The following MTSS2 variants were observed in gnomAD, a reference collection of about 807,000 sequenced individuals.
The protein encoded by MTSS2 is MTSS I-BAR domain containing 2.
A neutral mutation model predicts 67.1 loss-of-function variants in MTSS2; 27 were observed. The ratio of observed to expected loss-of-function variants is 0.40; its 90% confidence interval spans 0.30 to 0.55. The LOEUF is 0.55. MTSS2 is among the 20% of genes least tolerant of loss of function. The probability of loss-of-function intolerance (pLI) is 0.43; values close to 1 mark genes in which losing one functional copy is unlikely to be tolerated. For missense variants in MTSS2, 1,171 were observed against 1,067.8 expected, an observed-to-expected ratio of 1.10 and a Z score of -1.35; for synonymous variants, 624 against 468.6, an observed-to-expected ratio of 1.33 and a Z score of -4.28.
rs985345090 is a variant in MTSS2, at chr16:70,680,129, C to T, written c.206-74G>A. On this transcript the variant is annotated intron_variant, in intron 3 of 14. Coordinates refer to ENST00000338779, the MANE Select transcript of MTSS2 (RefSeq NM_138383.3). ...GTCCCGGCCTCGGGCCAGGAGGGGG[C>T]GCCCCGGCCGCGCAGGCGGAGCCCG... The T allele has an allele frequency of 6.5e-6, 7 of 1,080,846 alleles. No individual in the cohort carries two copies. In the Admixed American group the frequency reaches 1.4e-4, roughly 22 times the overall value. 67.0% of individuals were successfully genotyped at this position (1,080,846 alleles called of 1,614,324 possible).
At position 70,663,735 on chromosome 16, in the gene MTSS2, C is replaced by A. The variant is rs761912285; in HGVS notation, c.2186G>T (p.Arg729Leu). The change falls in exon 15 of 15, where the codon CGT becomes CTT. Residue 729 changes from arginine to leucine, a missense_variant. Physicochemically the swap from Arg to Leu is moderately radical, Grantham distance 102. Coordinates refer to ENST00000338779, the MANE Select transcript of MTSS2 (RefSeq NM_138383.3). ...PAEDMLVAIR[R>L]GVRLRRTVTN... is the part of the protein sequence containing the mutation. ...GACGGTCCTGCGGAGCCGGACCCCA[C>A]GCCGGATGGCCACCAGCATGTCTTC... 5.1e-6 allele frequency: 8 copies of A among 1,577,108 alleles called. No individual in the cohort carries two copies. Among genetic ancestry groups the A allele is most frequent in the Non-Finnish European group, 6.9e-6 (8 of 1,164,196 alleles).
intron 6 of MTSS2, 101 bp from the exon 7 acceptor site, chr16:70,679,424 G>T: frequency 6.9e-7 from 1 of 1,458,556 alleles, no homozygotes; most frequent in Non-Finnish European, 9.5e-7. Flanking sequence ...GGGGTGCCTG[G>T]GCCTCCTGCT....
rs1046960905 is a variant in MTSS2 at position 70,664,344 on chromosome 16, T to G, written c.1577A>C (p.Asn526Thr). The G allele has an allele frequency of 6.3e-7, 1 of 1,597,880 alleles. No individual in the cohort carries two copies. The highest frequency in any genetic ancestry group is 8.5e-7 in the Non-Finnish European group (1 of 1,174,166). ...TIPRNSNIAQ[N>T]YRRLIQTKRP... Reference sequence around the variant, plus strand: ...CTTGGTCTGGATCAGGCGGCGGTAGTTCTGGGCGATGTTGCTGTTGCGCGG... The same window carrying G: ...CTTGGTCTGGATCAGGCGGCGGTAGGTCTGGGCGATGTTGCTGTTGCGCGG... The change falls in exon 15 of 15, where the codon AAC (asparagine) becomes ACC (threonine). Residue 526 changes from asparagine to threonine, a missense_variant. Asn to Thr is a moderately conservative substitution (Grantham distance 65). Transcript: ENST00000338779.
In MTSS2 at chr16:70,661,345, G is replaced by GT. The variant is rs1295843646; in HGVS notation, c.*2331_*2332insA. 5.1e-6 allele frequency: 2 copies of GT among 390,544 alleles called. No homozygotes were observed. Among genetic ancestry groups the GT allele is most frequent in the Non-Finnish European group, 4.8e-6 (1 of 208,582 alleles). 24.2% of individuals were successfully genotyped at this position (390,544 alleles called of 1,614,324 possible). A position where few individuals can be genotyped will look rare whatever the true frequency, so the allele number is the denominator to read the frequency against. On this transcript the variant is annotated 3_prime_UTR_variant, in exon 15 of 15. Coordinates refer to ENST00000338779, the MANE Select transcript of MTSS2 (RefSeq NM_138383.3). ...GAATTTTTCCAAAATCTGACGGAAA[G>GT]AAAAGAAACAAATGGTTCAGATGGG...
In MTSS2 at chr16:70,676,915, T is replaced by C; in HGVS notation, c.796A>G (p.Ser266Gly). 1 of 1,613,830 alleles carries C rather than the reference T, an allele frequency of 6.2e-7. No homozygotes were observed. The highest frequency in any genetic ancestry group is 8.5e-7 in the Non-Finnish European group (1 of 1,179,986). Residue 266 changes from serine to glycine, a missense_variant, in exon 10 of 15, where the codon AGC becomes GGC. By Grantham distance (56) the Ser-to-Gly change is moderately conservative. Around this residue, in one of 2 missense-constraint regions of MTSS2, gnomAD observed 924 missense variants for 756.0 expected, o/e 1.22. Coordinates refer to ENST00000338779, the MANE Select transcript of MTSS2 (RefSeq NM_138383.3). The stretch of plus-strand genomic sequence containing the variant: ...CTGGACTTCCGGGAGCTGGAGCTGC[T>C]GGGTGATGAGGGTGGGGTCTGGTAG... ...WSYQTPPSSP[S>G]SSSSRKSSMC... is the part of the protein sequence containing the mutation.
intron 11 of MTSS2, among the ~76,000 whole-genome samples, chr16:70,669,369 T>C (rs1290147913): frequency 6.6e-6 from 1 of 152,212 alleles, no homozygotes; most frequent in Non-Finnish European, 1.5e-5. Flanking sequence ...TGAAAGGGAA[T>C]ATTCTAACGG....
Position 70,662,485 on chromosome 16 carries a change from A to AATC in MTSS2, c.*1189_*1191dup, listed in dbSNP as rs1348712357. 6.6e-6 allele frequency: 1 copy of AATC among 152,254 alleles called. No homozygotes were observed. The highest frequency in any genetic ancestry group is 1.9e-4 in the East Asian group (1 of 5,168). 9.4% of individuals were successfully genotyped at this position (152,254 alleles called of 1,614,324 possible). On this transcript the variant is annotated 3_prime_UTR_variant, in exon 15 of 15. Transcript: ENST00000338779. The stretch of plus-strand genomic sequence containing the variant: ...CCTCCGGCAACAGAGAGTCAAAGCC[A>AATC]ATCTTCCCAGACTCGCTCCCCCACC...
intron 3 of MTSS2, 50 bp from the exon 4 acceptor site, chr16:70,680,105 T>G: frequency 7.9e-5 from 100 of 1,270,938 alleles, no homozygotes; most frequent in Non-Finnish European, 9.5e-5. Context: ...GCCTGCGCAG[T>G]CCCGGCCTCG....
chr16:70,675,510 ATATCTT>A (rs1382275286), intron 10 of MTSS2, among the ~76,000 whole-genome samples: 2 of 152,174 alleles, frequency 1.3e-5, no homozygotes, highest in Admixed American at 6.5e-5. Context: ...CCTAAAGAAT[ATATCTT>A]TATCACTGAG....
Position 70,663,419 on chromosome 16 carries a change from AAG to A in MTSS2, c.*256_*257del. On this transcript the variant is annotated 3_prime_UTR_variant, in exon 15 of 15. Transcript: ENST00000338779. Reference sequence around the variant, plus strand: ...GGAAGAGGCAGGGCCCCAGAGGAGGAAGAGGAGGGACCGAAGAGCATAAAACA... The same window carrying A: ...GGAAGAGGCAGGGCCCCAGAGGAGGAAGGAGGGACCGAAGAGCATAAAACA... The A allele has an allele frequency of 9.2e-6, 5 of 544,722 alleles. No homozygotes were observed. The South Asian group carries it at 1.4e-4, about 16-fold the overall frequency. The allele number at this position is 544,722 out of a possible 1,614,324, so 33.7% of individuals were successfully genotyped here. A position where few individuals can be genotyped will look rare whatever the true frequency, so the allele number is the denominator to read the frequency against.
chr16:70,685,708 C>A lies in MTSS2; in HGVS notation c.69+15G>T. The A allele has an allele frequency of 1.5e-6, 2 of 1,319,184 alleles. No individual in the cohort carries two copies. Among genetic ancestry groups the A allele is most frequent in the South Asian group, 3.2e-5 (2 of 61,584 alleles). 81.7% of individuals were successfully genotyped at this position (1,319,184 alleles called of 1,614,324 possible). On this transcript the variant is annotated intron_variant, in intron 1 of 14. Transcript: ENST00000338779. ...ACCCGTCGCCGCGCGCCCGGCCCCG[C>A]CGCGCCCCGGTTACCTTCATGTCGT...
At chr16:70,670,829 G>T (rs1232199044) in intron 11 of MTSS2, among the ~76,000 whole-genome samples, 2 of 151,916 alleles carry the variant, frequency 1.3e-5, no homozygotes, top group African/African-American at 4.8e-5. Context: ...AATTAGCCAG[G>T]CATGATACTG....
chr16:70,663,777 G>T lies in MTSS2; in HGVS notation c.2144C>A (p.Thr715Asn). The change falls in exon 15 of 15, where the codon ACC becomes AAC. Residue 715 changes from threonine to asparagine, a missense_variant. Around this residue, in one of 2 missense-constraint regions of MTSS2, gnomAD observed 924 missense variants for 756.0 expected, o/e 1.22. Coordinates refer to ENST00000338779, the MANE Select transcript of MTSS2 (RefSeq NM_138383.3). ...EETPTPPPAA[T>N]SDPPAEDMLV... ...CATGTCTTCGGCCGGGGGGTCGCTG[G>T]TGGCGGCTGGGGGTGGGGTGGGCGT... The T allele has an allele frequency of 2.0e-6, 3 of 1,522,722 alleles. No homozygotes were observed. Among genetic ancestry groups the T allele is most frequent in the Non-Finnish European group, 1.8e-6 (2 of 1,136,840 alleles). 94.3% of individuals were successfully genotyped at this position (1,522,722 alleles called of 1,614,324 possible). A position where few individuals can be genotyped will look rare whatever the true frequency, so the allele number is the denominator to read the frequency against.
intron 3 of MTSS2, among the ~76,000 whole-genome samples, 196 bp from the exon 4 acceptor site, chr16:70,680,251 C>A (rs1430159795): frequency 1.3e-5 from 2 of 152,092 alleles, no homozygotes; most frequent in Admixed American, 1.3e-4. Context: ...GCCATCCCAG[C>A]CGCGCCAGCC....
At chr16:70,673,175 A>G (rs1230266327) in intron 11 of MTSS2, among the ~76,000 whole-genome samples, 1 of 152,180 alleles carries the variant, frequency 6.6e-6, no homozygotes, top group Non-Finnish European at 1.5e-5. Context: ...AAACAAAACA[A>G]AACAAAACAA....
At position 70,679,616 on chromosome 16, in the gene MTSS2, G is replaced by A. The variant is rs1293141563; in HGVS notation, c.457+14C>T. 10 of 1,588,736 alleles carry A rather than the reference G, an allele frequency of 6.3e-6. No homozygotes were observed. The highest frequency in any genetic ancestry group is 2.3e-5 in the East Asian group (1 of 43,980). The stretch of plus-strand genomic sequence containing the variant: ...GCCGTGGGGCTGTGGCTGGGGGGCC[G>A]CGCCAGGCACTACCTTTGCGCGCCT... On this transcript the variant is annotated intron_variant, in intron 6 of 14. Coordinates refer to ENST00000338779, the MANE Select transcript of MTSS2 (RefSeq NM_138383.3).
intron 8 of MTSS2, 56 bp from the exon 9 acceptor site, chr16:70,677,955 C>G (rs1284066440): frequency 1.4e-6 from 2 of 1,401,182 alleles, no homozygotes; most frequent in Non-Finnish European, 2.0e-6. Context: ...CCCGCCTGCC[C>G]AGCGCCCCTG....
chr16:70,663,855 C>A lies in MTSS2; in HGVS notation c.2066G>T (p.Gly689Val), dbSNP rs2052585884. 6.5e-7 allele frequency: 1 copy of A among 1,542,408 alleles called. No homozygotes were observed. Among genetic ancestry groups the A allele is most frequent in the East Asian group, 2.4e-5 (1 of 40,916 alleles). Residue 689 changes from glycine to valine, a missense_variant, in exon 15 of 15, where the codon GGT becomes GTT. Transcript: ENST00000338779. ...AGTGGGGAAGGGGAACTGGCCCTCA[C>A]CCAGTGCGTGGGCACCCGCCACCAG... ...GELVAGAHAL[G>V]EGQFPFPTAL...
intron 3 of MTSS2, among the ~76,000 whole-genome samples, chr16:70,680,496 G>A (rs2053269441): frequency 6.6e-6 from 1 of 152,196 alleles, no homozygotes; most frequent in Admixed American, 6.5e-5. Context: ...AAGGACACGA[G>A]GGCATGAGTG....
Sources: gnomAD v4.1 joint callset for allele counts (sites outside exome capture counted in the v4.1 genomes callset) on GRCh38, gnomAD v4.1.1 for gene constraint, gnomAD v4.1.1 regional missense constraint, MANE v1.5 for transcripts, NCBI Gene and HGNC (gene_info 2026-07-23, HGNC 2026-07-21) for gene names.